CSMD1: variants seen among roughly 807,000 people sequenced by gnomAD.
The protein encoded by CSMD1 is CUB and sushi domain-containing protein 1.
In CSMD1, 213 loss-of-function variants were observed where a neutral mutation model predicts 417.5. That is an observed-to-expected ratio of 0.51 (90% confidence interval 0.46 to 0.57). The LOEUF is 0.57. Among genes scored for constraint, CSMD1 ranks in the 20% least tolerant of loss-of-function variants. The pLI is 0.00. For synonymous variants in CSMD1, 2,862 were observed against 1,736.8 expected, an observed-to-expected ratio of 1.65 and a Z score of -16.11; for missense variants, 6,923 against 4,529.7, an observed-to-expected ratio of 1.53 and a Z score of -15.17.
At chr8:4,286,181 C>G (rs1000383931) in intron 3 of CSMD1, among the ~76,000 whole-genome samples, 2 of 152,010 alleles carry the variant, frequency 1.3e-5, no homozygotes, top group African/African-American at 2.4e-5. Flanking sequence ...AAGAGGAGCT[C>G]CAGTTTTCTT....
At chr8:3,163,111 T>C (rs1226340694) in intron 37 of CSMD1, among the ~76,000 whole-genome samples, 3 of 152,198 alleles carry the variant, frequency 2.0e-5, no homozygotes, top group Admixed American at 6.5e-5. Flanking sequence ...ATCTAAAGTG[T>C]ACAGCATTGG....
At chr8:3,400,942 T>C (rs957232798) in intron 15 of CSMD1, among the ~76,000 whole-genome samples, 1 of 35,036 alleles carries the variant, frequency 2.9e-5, no homozygotes, top group Non-Finnish European at 5.2e-5. Context: ...TTTTTTGTGA[T>C]AATTTTTAAA....
At chr8:3,107,654 A>G (rs771299938) in intron 45 of CSMD1, 64 bp downstream of exon 45, 30 of 891,920 alleles carry the variant, frequency 3.4e-5, no homozygotes, top group East Asian at 7.8e-5. Context: ...AATGATTACA[A>G]TGAGAAGTGG....
intron 3 of CSMD1, among the ~76,000 whole-genome samples, chr8:4,209,679 G>C (rs1395965094): frequency 6.6e-6 from 1 of 152,164 alleles, no homozygotes; most frequent in Non-Finnish European, 1.5e-5. Flanking sequence ...AGGAAATCAA[G>C]GGCAAGCCAG....
At chr8:3,148,486 T>G (rs1444773918) in intron 40 of CSMD1, among the ~76,000 whole-genome samples, 1 of 152,148 alleles carries the variant, frequency 6.6e-6, no homozygotes, top group Non-Finnish European at 1.5e-5. Flanking sequence ...GCGGCCGAAG[T>G]GTGGTTTGAC....
rs534229246 is a variant in CSMD1 at position 3,997,854 on chromosome 8, C to G, written c.818+49G>C. ...TCTTGAAGCTCGTTGGGGGAAAAAACGGGGAAAACACACCTGTATCCTTTG... is the reference window on the plus strand; with the variant it reads ...TCTTGAAGCTCGTTGGGGGAAAAAAGGGGGAAAACACACCTGTATCCTTTG... On this transcript the variant is annotated intron_variant, in intron 5 of 69. Transcript: ENST00000635120. The G allele has an allele frequency of 3.4e-6, 5 of 1,465,526 alleles. No homozygotes were observed. In the African/African-American group the frequency reaches 6.9e-5, roughly 20 times the overall value. 90.8% of individuals were successfully genotyped at this position (1,465,526 alleles called of 1,614,324 possible).
At chr8:3,723,553 T>C (rs1802307665) in intron 6 of CSMD1, among the ~76,000 whole-genome samples, 1 of 152,216 alleles carries the variant, frequency 6.6e-6, no homozygotes, top group Admixed American at 6.5e-5. Context: ...AGTCAGCTAT[T>C]GTTACCTAAA....
chr8:4,590,999 G>C (rs1429082957), intron 2 of CSMD1, among the ~76,000 whole-genome samples: 1 of 152,122 alleles, frequency 6.6e-6, no homozygotes, highest in East Asian at 1.9e-4. Context: ...TCTCACCTGT[G>C]GCCTGCCTTC....
chr8:3,575,616 T>G (rs1044109223), intron 9 of CSMD1, among the ~76,000 whole-genome samples: 3 of 152,216 alleles, frequency 2.0e-5, no homozygotes, highest in Non-Finnish European at 4.4e-5. Flanking sequence ...AGCTTTAGAT[T>G]CTATTCTACA....
At chr8:3,811,852 T>C (rs1168500771) in intron 5 of CSMD1, among the ~76,000 whole-genome samples, 2 of 152,190 alleles carry the variant, frequency 1.3e-5, no homozygotes, top group Non-Finnish European at 2.9e-5. Flanking sequence ...CAACACATTT[T>C]TGTCTTACTT....
At chr8:3,275,423 C>T (rs533506712) in intron 26 of CSMD1, among the ~76,000 whole-genome samples, 38 of 152,168 alleles carry the variant, frequency 2.5e-4, no homozygotes, top group Middle Eastern at 6.8e-3. Context: ...TTGCTCTTCT[C>T]GAGGAGTATC....
intron 3 of CSMD1, among the ~76,000 whole-genome samples, chr8:4,036,339 G>T (rs894396340): frequency 7.9e-5 from 12 of 151,928 alleles, no homozygotes; most frequent in African/African-American, 1.7e-4. Context: ...AATTTAAAGA[G>T]GGACCCCTCC....
chr8:3,940,413 T>C (rs902948087), intron 5 of CSMD1, among the ~76,000 whole-genome samples: 1 of 152,040 alleles, frequency 6.6e-6, no homozygotes, highest in African/African-American at 2.4e-5. Context: ...CAAAAATGTT[T>C]ATAATATGTA....
intron 3 of CSMD1, among the ~76,000 whole-genome samples, chr8:4,271,529 A>T (rs1804594610): frequency 6.6e-6 from 1 of 152,022 alleles, no homozygotes; most frequent in Admixed American, 6.6e-5. Context: ...AATGAACACC[A>T]CCAACAAAAT....
intron 3 of CSMD1, among the ~76,000 whole-genome samples, chr8:4,126,916 G>A (rs149310178): frequency 4.5e-4 from 68 of 152,156 alleles, no homozygotes; most frequent in African/African-American, 1.1e-3. Flanking sequence ...AGGCTCTCAC[G>A]CCCACACAGA....
chr8:3,618,238 C>T (rs907658407), intron 7 of CSMD1, among the ~76,000 whole-genome samples: 1 of 152,130 alleles, frequency 6.6e-6, no homozygotes, highest in Non-Finnish European at 1.5e-5. Flanking sequence ...ACTCCTGGCT[C>T]AAGTGACACT....
In CSMD1 at chr8:3,082,929, C is replaced by T. The variant is rs548076636; in HGVS notation, c.7474+4168G>A. Among the ~76,000 whole-genome samples the T allele has an allele frequency of 4.6e-5, 7 of 152,174 alleles. No individual in the cohort carries two copies. In the East Asian group the frequency reaches 5.8e-4, roughly 13 times the overall value. On this transcript the variant is annotated intron_variant, in intron 49 of 69. Transcript: ENST00000635120. ...GCTTTATATCGAATGTGAACATCTG[C>T]GGGAAAAATAAAATCATGAAAACTT...
intron 3 of CSMD1, among the ~76,000 whole-genome samples, chr8:4,191,723 T>G (rs957885043): frequency 5.5e-5 from 7 of 127,086 alleles, no homozygotes; most frequent in Middle Eastern, 4.6e-3. Context: ...CTCCTTCCAC[T>G]GAAAAAAGGG....
At chr8:2,961,347 A>G (rs555982825) in intron 61 of CSMD1, 133 bp from the exon 62 acceptor site, 4 of 437,860 alleles carry the variant, frequency 9.1e-6, no homozygotes, top group Admixed American at 4.0e-5. Context: ...GTTTTTCAGG[A>G]AAGTTAAAAA....
Sources: gnomAD v4.1 joint callset for allele counts (sites outside exome capture counted in the v4.1 genomes callset) on GRCh38, gnomAD v4.1.1 for gene constraint, MANE v1.5 for transcripts, NCBI Gene and HGNC (gene_info 2026-07-23, HGNC 2026-07-21) for gene names.